The following PTN variants were observed in gnomAD, a reference collection of about 807,000 sequenced individuals.
PTN encodes the protein heparin affin regulatory protein.
In PTN, 18 loss-of-function variants were observed where a neutral mutation model predicts 24.1. The observed-to-expected ratio is 0.75, with a 90% CI of 0.52 to 1.11. The LOEUF is 1.11. PTN is among the 50% of genes least tolerant of loss of function. The pLI is 0.00. For synonymous variants in PTN, 78 were observed against 68.6 expected, an observed-to-expected ratio of 1.14 and a Z score of -0.67; for missense variants, 163 against 198.8, an observed-to-expected ratio of 0.82 and a Z score of 1.08.
intron 1 of PTN, among the ~76,000 whole-genome samples, chr7:137,324,264 G>A (rs1810213166): frequency 6.6e-6 from 1 of 151,130 alleles, no homozygotes; most frequent in Non-Finnish European, 1.5e-5. Context: ...GCACTGTGGT[G>A]TATGCCTATA....
At chr7:137,246,630 C>T (rs1227861279) in intron 4 of PTN, among the ~76,000 whole-genome samples, 3 of 152,198 alleles carry the variant, frequency 2.0e-5, no homozygotes, top group African/African-American at 4.8e-5. Flanking sequence ...TACCAGAAAA[C>T]GGAATGGACA....
At chr7:137,229,842 T>C (rs1808398235) in intron 4 of PTN, among the ~76,000 whole-genome samples, 1 of 151,890 alleles carries the variant, frequency 6.6e-6, no homozygotes, top group Admixed American at 6.6e-5. Flanking sequence ...ACATTATGTG[T>C]AATTTCCGAA....
chr7:137,234,259 CTCT>C (rs997132594), intron 4 of PTN, among the ~76,000 whole-genome samples: 2 of 151,670 alleles, frequency 1.3e-5, no homozygotes, highest in African/African-American at 4.8e-5. Flanking sequence ...TAGTTCTGAC[CTCT>C]TGTTATTATA....
At chr7:137,252,701 G>A (rs1415179694) in intron 3 of PTN, among the ~76,000 whole-genome samples, 1 of 151,796 alleles carries the variant, frequency 6.6e-6, no homozygotes, top group Admixed American at 6.5e-5. Context: ...ACACAGATAG[G>A]ACATTTCAGG....
chr7:137,334,494 T>TA lies in PTN; in HGVS notation c.-2+8944dup, dbSNP rs1201760566. Among the ~76,000 whole-genome samples, 308 of 104,544 alleles carry TA rather than the reference T, an allele frequency of 2.9e-3. 1 individual carries two copies. The highest frequency in any genetic ancestry group is 1.0e-2 in the African/African-American group (285 of 28,602). 68.6% of individuals were successfully genotyped at this position (104,544 alleles called of 152,430 possible). A position where few individuals can be genotyped will look rare whatever the true frequency, so the allele number is the denominator to read the frequency against. On this transcript the variant is annotated intron_variant, in intron 1 of 4. Coordinates refer to ENST00000348225, the MANE Select transcript of PTN (RefSeq NM_002825.7). ...AATGCAAATCAAAACCACAATGAGA[T>TA]ACCATCTCACACCAGTTAGAATGGC...
intron 1 of PTN, among the ~76,000 whole-genome samples, chr7:137,319,918 A>G (rs1458403838): frequency 6.6e-6 from 1 of 152,132 alleles, no homozygotes; most frequent in Non-Finnish European, 1.5e-5. Context: ...TTTTCAGTCC[A>G]TACTCAATAC....
chr7:137,334,899 T>C (rs1810420423), intron 1 of PTN, among the ~76,000 whole-genome samples: 1 of 151,700 alleles, frequency 6.6e-6, no homozygotes, highest in South Asian at 2.1e-4. Context: ...TGTAGGGACA[T>C]GGATGAAATT....
intron 1 of PTN, among the ~76,000 whole-genome samples, chr7:137,332,235 T>TA (rs1236840404): frequency 6.6e-6 from 1 of 152,204 alleles, no homozygotes; most frequent in Admixed American, 6.5e-5. Context: ...ATCAGGGTGC[T>TA]AACAGTGGTG....
chr7:137,324,433 A>AAAAAAAAT, intron 1 of PTN, among the ~76,000 whole-genome samples: 4,322 of 88,572 alleles, frequency 0.049, 193 homozygotes, highest in Admixed American at 0.12. Flanking sequence ...AAAAAAAAAA[A>AAAAAAAAT]ATATATATAT....
chr7:137,310,729 C>T (rs932603128), intron 1 of PTN, among the ~76,000 whole-genome samples: 9 of 152,130 alleles, frequency 5.9e-5, no homozygotes, highest in African/African-American at 1.2e-4. Flanking sequence ...GTTTCATTTA[C>T]ATTGAAAATG....
intron 1 of PTN, among the ~76,000 whole-genome samples, chr7:137,314,651 A>AG (rs1810040778): frequency 0.019 from 1 of 54 alleles, no homozygotes; most frequent in South Asian, 0.25. Flanking sequence ...GAAATCCAGC[A>AG]TGGTGTGATC....
At chr7:137,260,610 T>G (rs1809018292) in intron 1 of PTN, among the ~76,000 whole-genome samples, 1 of 152,162 alleles carries the variant, frequency 6.6e-6, no homozygotes, top group Non-Finnish European at 1.5e-5. Context: ...TTTTTACTTT[T>G]ACAAAGCCCA....
chr7:137,278,983 A>ATAAAAT (rs1554466685), intron 1 of PTN, among the ~76,000 whole-genome samples: 1 of 143,170 alleles, frequency 7.0e-6, no homozygotes, highest in African/African-American at 2.6e-5. Context: ...AATAATAATA[A>ATAAAAT]AATAAAGAAA....
intron 1 of PTN, among the ~76,000 whole-genome samples, chr7:137,262,710 G>A (rs1261811027): frequency 6.6e-6 from 1 of 152,182 alleles, no homozygotes; most frequent in Non-Finnish European, 1.5e-5. Flanking sequence ...AAGCCAGGGG[G>A]TATGTGACGG....
chr7:137,264,676 G>A (rs1809105980), intron 1 of PTN, among the ~76,000 whole-genome samples: 1 of 152,196 alleles, frequency 6.6e-6, no homozygotes, highest in Admixed American at 6.5e-5. Context: ...TGGGTTTAGG[G>A]TGTTGCAAAC....
intron 1 of PTN, among the ~76,000 whole-genome samples, chr7:137,322,708 T>C (rs1366345398): frequency 6.6e-6 from 1 of 152,232 alleles, no homozygotes; most frequent in African/African-American, 2.4e-5. Flanking sequence ...CTTTTCTTTT[T>C]TCATGGTACA....
At chr7:137,331,452 T>A (rs1035686320) in intron 1 of PTN, among the ~76,000 whole-genome samples, 7 of 152,206 alleles carry the variant, frequency 4.6e-5, no homozygotes, top group Non-Finnish European at 1.0e-4. Flanking sequence ...GCACAGATAC[T>A]AAACGCATTT....
chr7:137,274,203 C>A (rs1809322906), intron 1 of PTN, among the ~76,000 whole-genome samples: 1 of 152,120 alleles, frequency 6.6e-6, no homozygotes, highest in Admixed American at 6.5e-5. Flanking sequence ...AATAGTGCCC[C>A]CTCCTTACCC....
chr7:137,280,830 C>T (rs1809461566), intron 1 of PTN, among the ~76,000 whole-genome samples: 1 of 148,338 alleles, frequency 6.7e-6, no homozygotes, highest in Non-Finnish European at 1.5e-5. Context: ...CGAGATTGTG[C>T]CACTGCACTC....
Sources: allele counts gnomAD v4.1 joint callset (sites outside exome capture counted in the v4.1 genomes callset), GRCh38; gene constraint gnomAD v4.1.1; transcripts MANE v1.5; gene names NCBI Gene and HGNC (gene_info 2026-07-23, HGNC 2026-07-21).